The following PCCA variants were observed in gnomAD, a reference collection of about 807,000 sequenced individuals.
The protein encoded by PCCA is propionyl-CoA carboxylase subunit alpha, also known as propionyl-CoA carboxylase alpha chain, mitochondrial.
A neutral mutation model predicts 101.3 loss-of-function variants in PCCA; 74 were observed. The ratio of observed to expected loss-of-function variants is 0.73; its 90% CI spans 0.61 to 0.89. PCCA has a LOEUF of 0.89. Ranked by LOEUF, PCCA falls within the 40% of genes least tolerant of loss-of-function variation. PCCA has a pLI of 0.00. For missense variants in PCCA, 891 were observed against 907.0 expected (o/e 0.98, Z 0.23); for synonymous variants, 294 against 313.6 (o/e 0.94, Z 0.66).
chr13:100,301,125 G>A (rs146097552), intron 12 of PCCA, among the ~76,000 whole-genome samples: 1 of 152,208 alleles, frequency 6.6e-6, no homozygotes, highest in East Asian at 1.9e-4. Context: ...CGGCCACATT[G>A]AAGATTGCCG....
chr13:100,379,179 CTG>C (rs2076087128), intron 19 of PCCA, among the ~76,000 whole-genome samples: 1 of 151,972 alleles, frequency 6.6e-6, no homozygotes, highest in Non-Finnish European at 1.5e-5. Flanking sequence ...AGTGTAGTCA[CTG>C]TATGATTTCT....
At chr13:100,389,322 G>A (rs2076688975) in intron 19 of PCCA, among the ~76,000 whole-genome samples, 1 of 152,144 alleles carries the variant, frequency 6.6e-6, no homozygotes. Flanking sequence ...TATAAAGAAC[G>A]AGATCATGTC....
chr13:100,193,624 C>T (rs1052289867), intron 6 of PCCA, among the ~76,000 whole-genome samples: 28 of 152,092 alleles, frequency 1.8e-4, no homozygotes, highest in Admixed American at 3.9e-4. Flanking sequence ...AGAATTGTTT[C>T]CTACAGATAA....
chr13:100,275,931 T>C (rs1175073506), intron 12 of PCCA, among the ~76,000 whole-genome samples: 2 of 152,214 alleles, frequency 1.3e-5, no homozygotes, highest in African/African-American at 4.8e-5. Flanking sequence ...CTTATTATTT[T>C]AGTCATCATT....
At chr13:100,242,121 G>A (rs945125852) in intron 8 of PCCA, among the ~76,000 whole-genome samples, 6 of 152,024 alleles carry the variant, frequency 3.9e-5, no homozygotes, top group Non-Finnish European at 8.8e-5. Context: ...TTGTAGCAGA[G>A]GGAAGAATAG....
At chr13:100,174,679 G>T (rs983489686) in intron 6 of PCCA, among the ~76,000 whole-genome samples, 4 of 143,780 alleles carry the variant, frequency 2.8e-5, no homozygotes, top group African/African-American at 1.0e-4. Flanking sequence ...AGTGAGCCAA[G>T]ATTGCACCAT....
intron 1 of PCCA, among the ~76,000 whole-genome samples, chr13:100,100,983 A>G (rs2047227937): frequency 6.6e-6 from 1 of 151,990 alleles, no homozygotes; most frequent in Non-Finnish European, 1.5e-5. Flanking sequence ...TTGTATTTTT[A>G]GTAGAGATGG....
At chr13:100,325,886 C>G (rs1006674203) in intron 16 of PCCA, among the ~76,000 whole-genome samples, 1 of 152,180 alleles carries the variant, frequency 6.6e-6, no homozygotes, top group Non-Finnish European at 1.5e-5. Context: ...ACCCAGAACA[C>G]ATGTGTTTAA....
chr13:100,169,909 A>G (rs1320257183), intron 6 of PCCA, among the ~76,000 whole-genome samples: 1 of 152,108 alleles, frequency 6.6e-6, no homozygotes, highest in Non-Finnish European at 1.5e-5. Flanking sequence ...CTTGTTGACC[A>G]GGCTGGTCTC....
chr13:100,411,163 C>T (rs1315719059), intron 19 of PCCA, among the ~76,000 whole-genome samples: 1 of 151,130 alleles, frequency 6.6e-6, no homozygotes, highest in African/African-American at 2.4e-5. Context: ...ACAAACTTGG[C>T]AGAAACCATC....
chr13:100,370,706 C>T (rs1302247299), intron 19 of PCCA, among the ~76,000 whole-genome samples: 1 of 152,138 alleles, frequency 6.6e-6, no homozygotes, highest in African/African-American at 2.4e-5. Context: ...TTTCATTTGA[C>T]ATCAGTATTA....
chr13:100,132,411 C>T (rs79783738), intron 4 of PCCA, among the ~76,000 whole-genome samples: 4,984 of 142,908 alleles, frequency 0.035, 272 homozygotes, highest in African/African-American at 0.13. Flanking sequence ...TTCCACACAG[C>T]GTGTAACCTT....
chr13:100,477,289 T>C (rs1015548497), intron 21 of PCCA: 1 of 152,204 alleles, frequency 6.6e-6, no homozygotes, highest in Non-Finnish European at 1.5e-5. Flanking sequence ...TAACTAGCAG[T>C]GTGGAAATAT....
chr13:100,159,636 A>G (rs1437866280), intron 6 of PCCA, among the ~76,000 whole-genome samples: 2 of 152,248 alleles, frequency 1.3e-5, no homozygotes, highest in South Asian at 4.1e-4. Context: ...GGGGTTCTAC[A>G]TTAGAGAAAA....
intron 4 of PCCA, among the ~76,000 whole-genome samples, chr13:100,113,020 C>T (rs2048465432): frequency 1.3e-5 from 2 of 152,202 alleles, no homozygotes; most frequent in African/African-American, 4.8e-5. Flanking sequence ...TTGTCTCATA[C>T]TACTTTTGAT....
chr13:100,172,994 T>C (rs1481138132), intron 6 of PCCA, among the ~76,000 whole-genome samples: 2 of 152,234 alleles, frequency 1.3e-5, no homozygotes, highest in Admixed American at 6.5e-5. Context: ...TTAAAATGTT[T>C]TCAGCTCTTT....
chr13:100,111,765 A>T, intron 2 of PCCA, 76 bp from the exon 3 acceptor site: 1 of 906,800 alleles, frequency 1.1e-6, no homozygotes, highest in Non-Finnish European at 1.8e-6. Flanking sequence ...ATGTTGGAAA[A>T]ACTTGGTGTT....
chr13:100,341,973 A>ATATATATATATATGTATATATATG (rs1257478273), intron 18 of PCCA, among the ~76,000 whole-genome samples: 1 of 121,870 alleles, frequency 8.2e-6, no homozygotes, highest in Non-Finnish European at 1.7e-5. Flanking sequence ...ATATATATAT[A>ATATATATATATATGTATATATATG]TATATATATG....
chr13:100,424,493 A>T (rs2079016268), intron 19 of PCCA, among the ~76,000 whole-genome samples: 1 of 152,138 alleles, frequency 6.6e-6, no homozygotes, highest in African/African-American at 2.4e-5. Flanking sequence ...CCCTCCAGCC[A>T]TGCTGCGCTG....
Sources: allele counts gnomAD v4.1 joint callset (sites outside exome capture counted in the v4.1 genomes callset), GRCh38; gene constraint gnomAD v4.1.1; transcripts MANE v1.5; gene names NCBI Gene and HGNC (gene_info 2026-07-23, HGNC 2026-07-21).